The following TRABD2B variants were observed in gnomAD, a reference collection of about 807,000 sequenced individuals.
TRABD2B encodes TraB domain containing 2B, also known as metalloprotease TIKI2.
A neutral mutation model predicts 40.1 loss-of-function variants in TRABD2B; 14 were observed. The observed-to-expected ratio is 0.35, with a 90% CI of 0.23 to 0.55. TRABD2B has a LOEUF of 0.55. TRABD2B is among the 20% of genes least tolerant of loss of function. TRABD2B has a pLI of 0.90. For synonymous variants in TRABD2B, 263 were observed against 277.0 expected, an observed-to-expected ratio of 0.95 and a Z score of 0.50; for missense variants, 541 against 648.6, an observed-to-expected ratio of 0.83 and a Z score of 1.80.
intron 6 of TRABD2B, among the ~76,000 whole-genome samples, chr1:47,773,413 A>G (rs899206207): frequency 1.3e-5 from 2 of 152,240 alleles, no homozygotes; most frequent in East Asian, 3.9e-4. Context: ...TGATATGGTT[A>G]GGCTGTGTCT....
In TRABD2B at chr1:47,760,622, C is replaced by T. The variant is rs1251376269; in HGVS notation, c.*5280G>A. On this transcript the variant is annotated 3_prime_UTR_variant, in exon 7 of 7. Transcript: ENST00000606738. ...CATCTTTCTTTGTCTTCTATTTATA[C>T]TCTTAAAGGACTCTTCATGATAATT... 3.3e-5 allele frequency: 5 copies of T among 152,190 alleles called. No homozygotes were observed. The South Asian group carries it at 1.0e-3, about 32-fold the overall frequency. 9.4% of individuals were successfully genotyped at this position (152,190 alleles called of 1,614,324 possible).
intron 2 of TRABD2B, among the ~76,000 whole-genome samples, chr1:47,881,174 CAGTGGT>C (rs1644298349): frequency 6.6e-6 from 1 of 152,142 alleles, no homozygotes; most frequent in African/African-American, 2.4e-5. Flanking sequence ...ACTTGGGTTG[CAGTGGT>C]GGTGGTGGTG....
intron 2 of TRABD2B, among the ~76,000 whole-genome samples, chr1:47,986,317 G>T (rs303912): frequency 6.6e-6 from 1 of 151,982 alleles, no homozygotes; most frequent in South Asian, 2.1e-4. Context: ...CTGAGAATTA[G>T]AGAGGCCAAG....
chr1:47,966,347 G>A (rs1645602935), intron 2 of TRABD2B, among the ~76,000 whole-genome samples: 1 of 152,138 alleles, frequency 6.6e-6, no homozygotes, highest in African/African-American at 2.4e-5. Flanking sequence ...GCTGTCAGCT[G>A]ACACCAAAGA....
intron 2 of TRABD2B, among the ~76,000 whole-genome samples, chr1:47,922,522 T>C (rs1644916181): frequency 6.6e-6 from 1 of 151,970 alleles, no homozygotes; most frequent in Non-Finnish European, 1.5e-5. Flanking sequence ...AGGGGTGGAG[T>C]TGCACAGGCC....
chr1:47,853,556 A>C (rs1228256594), intron 2 of TRABD2B, among the ~76,000 whole-genome samples: 1 of 152,216 alleles, frequency 6.6e-6, no homozygotes, highest in Non-Finnish European at 1.5e-5. Context: ...CACGCAGGAA[A>C]GAGTCTAAAA....
At position 47,997,103 on chromosome 1, in the gene TRABD2B, C is replaced by T. The variant is rs12140903; in HGVS notation, c.-314G>A. 7 of 983,628 alleles carry T rather than the reference C, an allele frequency of 7.1e-6. No homozygotes were observed. The highest frequency in any genetic ancestry group is 7.2e-6 in the Non-Finnish European group (6 of 829,342). 60.9% of individuals were successfully genotyped at this position (983,628 alleles called of 1,614,324 possible). A position where few individuals can be genotyped will look rare whatever the true frequency, so the allele number is the denominator to read the frequency against. ...CGCGCGGGGTCCCGGAGCTGCGTCG[C>T]GGTCCAGGGGCGCGCGGGGTTCCTG... On this transcript the variant is annotated 5_prime_UTR_variant, in exon 1 of 7. Transcript: ENST00000606738.
intron 2 of TRABD2B, among the ~76,000 whole-genome samples, chr1:47,838,293 T>C (rs964793646): frequency 6.6e-6 from 1 of 152,170 alleles, no homozygotes; most frequent in African/African-American, 2.4e-5. Context: ...CAAATGTTAA[T>C]TGTCCTGCTT....
In TRABD2B at chr1:47,972,733, A is replaced by G. The variant is rs531062165; in HGVS notation, c.666+21301T>C. On this transcript the variant is annotated intron_variant, in intron 2 of 6. Transcript: ENST00000606738. ...GAGCTAAGACAAGCACCAATTTTTG[A>G]CCCTCATGGTAGTCAAAGTCCATAA... is the stretch of plus-strand genomic sequence containing the variant. Among the ~76,000 whole-genome samples, 374 of 152,150 alleles carry G rather than the reference A, an allele frequency of 2.5e-3. 3 individuals are homozygous for G. The highest frequency in any genetic ancestry group is 8.6e-3 in the African/African-American group (358 of 41,496).
At chr1:47,978,755 G>A (rs1210862422) in intron 2 of TRABD2B, among the ~76,000 whole-genome samples, 1 of 152,176 alleles carries the variant, frequency 6.6e-6, no homozygotes. Flanking sequence ...TCACACTGCG[G>A]CCCTCTGACG....
intron 2 of TRABD2B, among the ~76,000 whole-genome samples, chr1:47,967,291 T>C (rs894488824): frequency 1.8e-4 from 27 of 151,856 alleles, no homozygotes; most frequent in African/African-American, 6.3e-4. Context: ...AGCTGAGTTA[T>C]CCACCCCTCA....
rs771404257 is a variant in TRABD2B, at chr1:47,951,951, C to T, written c.666+42083G>A. 9.3e-4 allele frequency among the ~76,000 whole-genome samples: 142 copies of T among 152,334 alleles called. 2 individuals carry two copies. Among genetic ancestry groups the T allele is most frequent in the Non-Finnish European group, 2.1e-4 (14 of 68,028 alleles). On this transcript the variant is annotated intron_variant, in intron 2 of 6. Coordinates refer to ENST00000606738, the MANE Select transcript of TRABD2B (RefSeq NM_001194986.2). ...TAGATGGTCAAACTGAGGCATAAAG[C>T]AGTCAAAGGCATTGCCTGATCCCAT...
At chr1:47,954,686 G>C (rs967180355) in intron 2 of TRABD2B, among the ~76,000 whole-genome samples, 1 of 152,098 alleles carries the variant, frequency 6.6e-6, no homozygotes, top group Non-Finnish European at 1.5e-5. Context: ...TGTGTGTTGC[G>C]GAGAATGGAT....
intron 6 of TRABD2B, among the ~76,000 whole-genome samples, chr1:47,772,055 G>C (rs575017121): frequency 6.6e-6 from 1 of 151,874 alleles, no homozygotes; most frequent in Admixed American, 6.6e-5. Context: ...CCGGCACTGC[G>C]TGGAGGAAGG....
chr1:47,810,147 TGTGTGTGC>T (rs934943775), intron 2 of TRABD2B, among the ~76,000 whole-genome samples: 7 of 127,846 alleles, frequency 5.5e-5, no homozygotes, highest in Non-Finnish European at 1.2e-4. Context: ...GGTGTGTGTG[TGTGTGTGC>T]GCGCGCGCGC....
intron 2 of TRABD2B, among the ~76,000 whole-genome samples, chr1:47,977,504 G>A (rs769198479): frequency 7.2e-5 from 11 of 152,166 alleles, no homozygotes; most frequent in Non-Finnish European, 1.5e-4. Context: ...CCATTTACCC[G>A]AGCAATCATC....
At chr1:47,800,092 G>A (rs762717630) in intron 3 of TRABD2B, among the ~76,000 whole-genome samples, 21 of 151,766 alleles carry the variant, frequency 1.4e-4, no homozygotes, top group Non-Finnish European at 1.0e-4. Context: ...GGCTGCTCCA[G>A]CCAGTTGAGA....
chr1:47,922,737 C>A (rs530592363), intron 2 of TRABD2B, among the ~76,000 whole-genome samples: 1 of 152,334 alleles, frequency 6.6e-6, no homozygotes, highest in East Asian at 1.9e-4. Flanking sequence ...CTCTTCTGTT[C>A]ATCTCCACAG....
intron 2 of TRABD2B, among the ~76,000 whole-genome samples, chr1:47,873,168 A>G (rs561446195): frequency 6.6e-6 from 1 of 152,308 alleles, no homozygotes; most frequent in East Asian, 1.9e-4. Context: ...CAGAGCCCTC[A>G]TGACCTAATT....
Sources: allele counts gnomAD v4.1 joint callset (sites outside exome capture counted in the v4.1 genomes callset), GRCh38; gene constraint gnomAD v4.1.1; transcripts MANE v1.5; gene names NCBI Gene and HGNC (gene_info 2026-07-23, HGNC 2026-07-21).